Variants in ARID2 observed in about 807,000 individuals in gnomAD.
ARID2 encodes AT-rich interactive domain-containing protein 2.
A neutral mutation model predicts 184.6 loss-of-function variants in ARID2; 32 were observed. The ratio of observed to expected loss-of-function variants is 0.17; its 90% confidence interval spans 0.13 to 0.23. ARID2 has a LOEUF of 0.23. ARID2 is among the 10% of genes least tolerant of loss of function. The pLI, the probability that ARID2 is intolerant of heterozygous loss-of-function variation, is 1.00. For synonymous variants in ARID2, 836 were observed against 772.6 expected, an observed-to-expected ratio of 1.08 and a Z score of -1.36; for missense variants, 1,696 against 2,197.6, an observed-to-expected ratio of 0.77 and a Z score of 4.56.
intron 2 of ARID2, 126 bp downstream of exon 2, chr12:45,730,263 C>A: frequency 1.2e-6 from 1 of 809,404 alleles, no homozygotes; most frequent in Non-Finnish European, 1.8e-6. Flanking sequence ...TCTTTTCGCT[C>A]CCAGCCGGTG....
At position 45,873,100 on chromosome 12, in the gene ARID2, T is replaced by G. The variant is rs148971463; in HGVS notation, c.4922+12151T>G. Among the ~76,000 whole-genome samples, 38 of 152,346 alleles carry G rather than the reference T, an allele frequency of 2.5e-4. No individual in the cohort carries two copies. The East Asian group carries it at 6.6e-3, about 26-fold the overall frequency. ...ATTGCTATATCTTCTTGGAGAAGATTGTTAGGTTTTCTTTATCATTATGTA... is the reference window on the plus strand; with the variant it reads ...ATTGCTATATCTTCTTGGAGAAGATGGTTAGGTTTTCTTTATCATTATGTA... On this transcript the variant is annotated intron_variant, in intron 16 of 20. Coordinates refer to ENST00000334344, the MANE Select transcript of ARID2 (RefSeq NM_152641.4).
chr12:45,756,719 C>A (rs1444617572), intron 3 of ARID2, among the ~76,000 whole-genome samples: 1 of 152,192 alleles, frequency 6.6e-6, no homozygotes, highest in Non-Finnish European at 1.5e-5. Context: ...GTAATGCCAG[C>A]ATTTTGGCAG....
chr12:45,865,670 A>G (rs562776732), intron 16 of ARID2, among the ~76,000 whole-genome samples: 9 of 152,236 alleles, frequency 5.9e-5, no homozygotes, highest in East Asian at 3.9e-4. Context: ...TAAATCTTAT[A>G]TTTTGGTATT....
At chr12:45,798,041 A>G (rs979517725) in intron 3 of ARID2, among the ~76,000 whole-genome samples, 1 of 152,084 alleles carries the variant, frequency 6.6e-6, no homozygotes, top group African/African-American at 2.4e-5. Context: ...CATATAGCTA[A>G]TCTTCTTTTT....
chr12:45,899,398 A>G (rs1377250340), intron 20 of ARID2, among the ~76,000 whole-genome samples: 1 of 149,652 alleles, frequency 6.7e-6, no homozygotes, highest in East Asian at 2.0e-4. Context: ...AGGTCAGGAG[A>G]TCAAGACCAT....
intron 3 of ARID2, among the ~76,000 whole-genome samples, chr12:45,731,854 C>T (rs555579277): frequency 1.3e-5 from 2 of 151,710 alleles, no homozygotes; most frequent in East Asian, 3.9e-4. Flanking sequence ...TTGATAATTA[C>T]TTTTTGTTGA....
chr12:45,753,010 C>CA (rs1941494239), intron 3 of ARID2, among the ~76,000 whole-genome samples: 1 of 152,188 alleles, frequency 6.6e-6, no homozygotes. Flanking sequence ...CCTGTAATCC[C>CA]AGCACTTTGG....
chr12:45,833,086 A>G (rs972083577), intron 6 of ARID2, among the ~76,000 whole-genome samples: 1 of 152,106 alleles, frequency 6.6e-6, no homozygotes, highest in African/African-American at 2.4e-5. Flanking sequence ...TTAATTGTGG[A>G]TATTTTCTAT....
chr12:45,830,051 ATAAAT>A (rs1943083923), intron 6 of ARID2, among the ~76,000 whole-genome samples: 1 of 149,382 alleles, frequency 6.7e-6, no homozygotes, highest in South Asian at 2.1e-4. Context: ...AAATCTTTTA[ATAAAT>A]TAATTTGAAT....
In ARID2 at chr12:45,811,444, A is replaced by G; in HGVS notation, c.311A>G (p.His104Arg). Residue 104 changes from histidine (H) to arginine (R), a missense_variant, in exon 4 of 21, where the codon CAT (histidine) becomes CGT (arginine). Around this residue, in one of 11 missense-constraint regions of ARID2, gnomAD observed 148 missense variants for 285.4 expected, o/e 0.52. Transcript: ENST00000334344. ...TACCTAGAAAAGTACGAGAAAGTTC[A>G]TCATTTTGGGGAGGATGATGATGAG... ...LRYLEKYEKV[H>R]HFGEDDDEVP... 1.2e-6 allele frequency: 2 copies of G among 1,612,728 alleles called. No individual in the cohort carries two copies. The highest frequency in any genetic ancestry group is 1.7e-6 in the Non-Finnish European group (2 of 1,179,174).
intron 3 of ARID2, among the ~76,000 whole-genome samples, chr12:45,798,283 G>A (rs1177832855): frequency 6.6e-6 from 1 of 151,814 alleles, no homozygotes; most frequent in African/African-American, 2.4e-5. Context: ...TTGCTAACAT[G>A]CAATGTAGGA....
At chr12:45,876,697 A>T (rs1034548602) in intron 16 of ARID2, among the ~76,000 whole-genome samples, 2 of 152,054 alleles carry the variant, frequency 1.3e-5, no homozygotes, top group African/African-American at 4.8e-5. Flanking sequence ...TGTGAGAATT[A>T]CCAAAATGTG....
At chr12:45,764,654 G>C (rs1941740141) in intron 3 of ARID2, among the ~76,000 whole-genome samples, 1 of 152,132 alleles carries the variant, frequency 6.6e-6, no homozygotes, top group Admixed American at 6.5e-5. Context: ...TCTTAGTACA[G>C]TACATCTGAG....
At chr12:45,904,384 T>C in intron 20 of ARID2, 1 of 715,304 alleles carries the variant, frequency 1.4e-6, no homozygotes, top group Non-Finnish European at 2.6e-6. Context: ...TGTGCAGCCT[T>C]CCATATTTAG....
chr12:45,769,156 A>C (rs982026381), intron 3 of ARID2, among the ~76,000 whole-genome samples: 1 of 152,246 alleles, frequency 6.6e-6, no homozygotes, highest in Non-Finnish European at 1.5e-5. Flanking sequence ...TATGTAAAGA[A>C]CATCAAAGAA....
chr12:45,834,064 TACCAGTCAATCATTGGAATA>T (rs1456366142), intron 6 of ARID2, among the ~76,000 whole-genome samples: 1 of 152,186 alleles, frequency 6.6e-6, no homozygotes, highest in Non-Finnish European at 1.5e-5. Flanking sequence ...CAAATAAAAA[TACCAGTCAATCATTGGAATA>T]ACCTCATTTG....
intron 3 of ARID2, among the ~76,000 whole-genome samples, chr12:45,746,940 T>A (rs1002527964): frequency 2.6e-5 from 4 of 152,226 alleles, no homozygotes; most frequent in East Asian, 3.9e-4. Context: ...CTAATTTTTC[T>A]TTGTATTTTA....
chr12:45,846,418 C>T (rs972247272), intron 11 of ARID2, among the ~76,000 whole-genome samples: 3 of 152,040 alleles, frequency 2.0e-5, no homozygotes, highest in Non-Finnish European at 2.9e-5. Context: ...CGTAGCTAAA[C>T]GGAAAGATGC....
intron 6 of ARID2, among the ~76,000 whole-genome samples, chr12:45,825,633 T>C (rs1942981028): frequency 6.6e-6 from 1 of 152,090 alleles, no homozygotes; most frequent in Non-Finnish European, 1.5e-5. Context: ...GAGGACAAGT[T>C]AGGAGGATTG....
Sources: gnomAD v4.1 joint callset for allele counts (sites outside exome capture counted in the v4.1 genomes callset) on GRCh38, gnomAD v4.1.1 for gene constraint, gnomAD v4.1.1 regional missense constraint, MANE v1.5 for transcripts, NCBI Gene and HGNC (gene_info 2026-07-23, HGNC 2026-07-21) for gene names.